The following LARGE1 variants were observed in gnomAD, a reference collection of about 807,000 sequenced individuals.
The protein encoded by LARGE1 is LARGE xylosyl- and glucuronyltransferase 1, also known as xylosyl- and glucuronyltransferase LARGE1.
LARGE1 carries 43 observed loss-of-function variants against 87.6 expected under a neutral mutation model. The observed-to-expected ratio is 0.49, with a 90% CI of 0.38 to 0.63. The LOEUF (loss-of-function observed/expected upper bound fraction) is 0.63. Ranked by LOEUF, LARGE1 falls within the 30% of genes least tolerant of loss-of-function variation. The pLI is 0.00. For synonymous variants in LARGE1, 434 were observed against 394.6 expected (o/e 1.10, Z -1.18); for missense variants, 802 against 1,000.2 (o/e 0.80, Z 2.67).
At chr22:33,252,719 C>T (rs994949526) in intron 11 of LARGE1, among the ~76,000 whole-genome samples, 2 of 152,168 alleles carry the variant, frequency 1.3e-5, no homozygotes, top group Admixed American at 1.3e-4. Context: ...AGCCTCTGCT[C>T]TTCCAAGCAA....
At chr22:33,812,982 C>T (rs940382204) in intron 1 of LARGE1, among the ~76,000 whole-genome samples, 8 of 152,118 alleles carry the variant, frequency 5.3e-5, no homozygotes, top group African/African-American at 1.4e-4. Flanking sequence ...TTAGGTGGTA[C>T]CAAATTGGCA....
At chr22:33,537,127 A>AGT (rs1448688834) in intron 6 of LARGE1, among the ~76,000 whole-genome samples, 13 of 152,156 alleles carry the variant, frequency 8.5e-5, no homozygotes, top group Admixed American at 2.0e-4. Context: ...CATTTAAAGA[A>AGT]GTGTGTCAGT....
chr22:33,168,689 T>C (rs1486466861), intron 11 of LARGE1, among the ~76,000 whole-genome samples: 1 of 152,240 alleles, frequency 6.6e-6, no homozygotes, highest in Non-Finnish European at 1.5e-5. Flanking sequence ...GCAAACTATT[T>C]ACATAACATT....
intron 6 of LARGE1, among the ~76,000 whole-genome samples, chr22:33,455,897 C>G (rs1227510428): frequency 6.6e-6 from 1 of 151,930 alleles, no homozygotes; most frequent in South Asian, 2.1e-4. Flanking sequence ...GTATTTGAAA[C>G]TGCATTGTGG....
chr22:33,670,269 T>A (rs916639867), intron 2 of LARGE1, among the ~76,000 whole-genome samples: 1 of 151,476 alleles, frequency 6.6e-6, no homozygotes, highest in African/African-American at 2.4e-5. Context: ...AAAGATAAAA[T>A]CACACTGCAA....
At chr22:33,461,939 C>T (rs5749612) in intron 6 of LARGE1, among the ~76,000 whole-genome samples, 3 of 152,148 alleles carry the variant, frequency 2.0e-5, no homozygotes, top group Non-Finnish European at 4.4e-5. Flanking sequence ...TGATGTGTGA[C>T]TACAGCTGCA....
chr22:33,469,827 T>TAAAAACAAAAAACA (rs368924028), intron 6 of LARGE1, among the ~76,000 whole-genome samples: 25,324 of 135,622 alleles, frequency 0.19, 2,766 homozygotes, highest in East Asian at 0.26. Flanking sequence ...GACTCCATCT[T>TAAAAACAAAAAACA]AAAAACAAAA....
chr22:33,710,407 T>C (rs2082697988), intron 2 of LARGE1, among the ~76,000 whole-genome samples: 1 of 152,140 alleles, frequency 6.6e-6, no homozygotes, highest in East Asian at 1.9e-4. Context: ...TGCATGATCA[T>C]GGTGATGAAC....
intron 11 of LARGE1, among the ~76,000 whole-genome samples, chr22:33,195,012 T>A (rs1923992078): frequency 6.6e-6 from 1 of 152,210 alleles, no homozygotes; most frequent in Non-Finnish European, 1.5e-5. Context: ...GCTAAGGGGA[T>A]AATACATTAA....
At position 33,776,293 on chromosome 22, in the gene LARGE1, G is replaced by A. The variant is rs140419457; in HGVS notation, c.-82-14735C>T. 4.5e-3 allele frequency among the ~76,000 whole-genome samples: 688 copies of A among 152,302 alleles called. 3 individuals are homozygous for A. The highest frequency in any genetic ancestry group is 0.015 in the African/African-American group (631 of 41,558). On this transcript the variant is annotated intron_variant, in intron 1 of 14. Coordinates refer to ENST00000397394, the MANE Select transcript of LARGE1 (RefSeq NM_133642.5). ...ATTGAGCCACAGGCAGGCAGGTGGT[G>A]TGGACATTACTTCTAGCATAGAGAT... is the stretch of plus-strand genomic sequence containing the variant.
At chr22:33,323,946 C>A (rs1187877876) in intron 10 of LARGE1, among the ~76,000 whole-genome samples, 1 of 152,138 alleles carries the variant, frequency 6.6e-6, no homozygotes, top group Non-Finnish European at 1.5e-5. Context: ...GAAACTGCCT[C>A]CTTGGCCAGA....
chr22:33,089,325 T>TTCC, the LARGE1 span, among the ~76,000 whole-genome samples: 40 of 88,116 alleles, frequency 4.5e-4, no homozygotes, highest in African/African-American at 2.1e-3. Context: ...TTCTTCTTTC[T>TTCC]TCTTCTTCTT....
chr22:33,225,217 G>C (rs1568980301), intron 11 of LARGE1, among the ~76,000 whole-genome samples: 1 of 152,310 alleles, frequency 6.6e-6, no homozygotes, highest in East Asian at 1.9e-4. Flanking sequence ...GGCAAGGTAG[G>C]ACGGTCTGCT....
intron 9 of LARGE1, among the ~76,000 whole-genome samples, chr22:33,360,014 T>G (rs911924227): frequency 6.7e-6 from 1 of 149,712 alleles, no homozygotes; most frequent in Non-Finnish European, 1.5e-5. Flanking sequence ...GTTAGAGTTC[T>G]GTATTAGTCC....
At chr22:33,895,904 A>C (rs1464703733) in intron 1 of LARGE1, among the ~76,000 whole-genome samples, 1 of 152,198 alleles carries the variant, frequency 6.6e-6, no homozygotes, top group Non-Finnish European at 1.5e-5. Context: ...CCTGCCAGAG[A>C]TACCTTATTT....
At chr22:33,785,284 CG>C (rs1335959626) in intron 1 of LARGE1, among the ~76,000 whole-genome samples, 1 of 151,210 alleles carries the variant, frequency 6.6e-6, no homozygotes, top group Admixed American at 6.6e-5. Context: ...TGTATATATA[CG>C]TATATATGTG....
At chr22:33,133,776 A>C in the LARGE1 span, among the ~76,000 whole-genome samples, 1 of 152,110 alleles carries the variant, frequency 6.6e-6, no homozygotes, top group Non-Finnish European at 1.5e-5. Context: ...CAATGGTTGA[A>C]CTAATTTACA....
chr22:33,086,406 T>G, the LARGE1 span, among the ~76,000 whole-genome samples: 1 of 152,278 alleles, frequency 6.6e-6, no homozygotes, highest in East Asian at 1.9e-4. Context: ...GGTTGGGTAG[T>G]GTCTCTATTA....
rs180960721 is a variant in LARGE1 at position 33,514,698 on chromosome 22, A to G, written c.787+50150T>C. The stretch of plus-strand genomic sequence containing the variant: ...CAGGCCCCTACGGATATGAAGGGAC[A>G]ACTACGTGTATATATATATCATATA... On this transcript the variant is annotated intron_variant, in intron 6 of 14. Transcript: ENST00000397394. Among the ~76,000 whole-genome samples, 376 of 152,276 alleles carry G rather than the reference A, an allele frequency of 2.5e-3. 2 individuals are homozygous for G. The highest frequency in any genetic ancestry group is 4.3e-3 in the Non-Finnish European group (291 of 68,028).
Sources: allele counts gnomAD v4.1 joint callset (sites outside exome capture counted in the v4.1 genomes callset), GRCh38; gene constraint gnomAD v4.1.1; transcripts MANE v1.5; gene names NCBI Gene and HGNC (gene_info 2026-07-23, HGNC 2026-07-21).